ERCC6: variants seen among roughly 807,000 people sequenced by gnomAD.
ERCC6 encodes the protein DNA excision repair protein ERCC-6.
ERCC6 carries 116 observed loss-of-function variants against 158.7 expected under a neutral mutation model. The observed-to-expected ratio is 0.73, with a 90% CI of 0.63 to 0.85. ERCC6 has a LOEUF of 0.85. Among genes scored for constraint, ERCC6 ranks in the 40% least tolerant of loss-of-function variants. ERCC6 has a pLI of 0.00. For missense variants in ERCC6, 1,698 were observed against 1,799.4 expected, an observed-to-expected ratio of 0.94 and a Z score of 1.02; for synonymous variants, 678 against 659.3, an observed-to-expected ratio of 1.03 and a Z score of -0.43.
Position 49,470,298 on chromosome 10 carries a change from C to T in ERCC6, c.3662G>A (p.Arg1221Gln), listed in dbSNP as rs200431100. 57 of 1,613,980 alleles carry T rather than the reference C, an allele frequency of 3.5e-5. No individual in the cohort carries two copies. Among genetic ancestry groups the T allele is most frequent in the Non-Finnish European group, 4.5e-5 (53 of 1,180,030 alleles). The change falls in exon 18 of 21, where the codon CGA becomes CAA. Residue 1221 changes from arginine to glutamine, a missense_variant. Arg to Gln is a conservative substitution (Grantham distance 43, BLOSUM62 1). Transcript: ENST00000355832. ...HCRDAKFEGT[R>Q]IPHLVKKRRY... Reference sequence around the variant, plus strand: ...CCTTTTCTTCACCAGGTGTGGAATTCGAGTTCCTTCAAACTTGGCGTCTCT... The same window carrying T: ...CCTTTTCTTCACCAGGTGTGGAATTTGAGTTCCTTCAAACTTGGCGTCTCT...
intron 18 of ERCC6, among the ~76,000 whole-genome samples, chr10:49,462,478 TA>T (rs1436742895): frequency 3.3e-5 from 5 of 151,090 alleles, no homozygotes; most frequent in African/African-American, 1.2e-4. Context: ...TTCCAATTAA[TA>T]AAAGACTGAC....
rs191807800 is a variant in ERCC6, at chr10:49,518,742, G to T, written c.1397+5291C>A. On this transcript the variant is annotated intron_variant, in intron 5 of 20. Transcript: ENST00000355832. ...GCACAACCCAACCCTCCCAAGCCAGGGTTCAATGGGGCCCTGGCCACAGAG... is the reference window on the plus strand; with the variant it reads ...GCACAACCCAACCCTCCCAAGCCAGTGTTCAATGGGGCCCTGGCCACAGAG... Among the ~76,000 whole-genome samples the T allele has an allele frequency of 2.0e-4, 30 of 152,222 alleles. No individual in the cohort carries two copies. In the East Asian group the frequency reaches 5.8e-3, roughly 30 times the overall value.
downstream of ERCC6, among the ~76,000 whole-genome samples, chr10:49,452,840 TTTTGTC>T (rs1287231943): frequency 6.6e-6 from 1 of 152,160 alleles, no homozygotes; most frequent in African/African-American, 2.4e-5. Flanking sequence ...CTAGGAGCAT[TTTTGTC>T]TTAAAGTCTA....
At position 49,526,634 on chromosome 10, in the gene ERCC6, T is replaced by C. The variant is rs540696121; in HGVS notation, c.652+1783A>G. ...TATTTTGCCTCAATTAAGCCTTAGG[T>C]CTTTACACTGAGTATTTTGCTTCCT... On this transcript the variant is annotated intron_variant, in intron 4 of 20. Transcript: ENST00000355832. Among the ~76,000 whole-genome samples the C allele has an allele frequency of 5.3e-5, 8 of 152,320 alleles. No homozygotes were observed. The South Asian group carries it at 1.7e-3, about 32-fold the overall frequency.
intron 8 of ERCC6, 73 bp from the exon 9 acceptor site, chr10:49,483,589 A>C: frequency 7.0e-7 from 1 of 1,436,046 alleles, no homozygotes; most frequent in Non-Finnish European, 9.8e-7. Context: ...ACACAATCTA[A>C]AGTACTTTAT....
At chr10:49,537,141 C>T (rs1837616283) in intron 1 of ERCC6, among the ~76,000 whole-genome samples, 1 of 152,006 alleles carries the variant, frequency 6.6e-6, no homozygotes, top group Non-Finnish European at 1.5e-5. Flanking sequence ...GTCAGAAGTT[C>T]GAGACCAGCC....
chr10:49,484,051 G>A (rs184175851), intron 8 of ERCC6, among the ~76,000 whole-genome samples: 59 of 151,868 alleles, frequency 3.9e-4, no homozygotes, highest in Admixed American at 2.7e-3. Flanking sequence ...GGCTGAGGTG[G>A]GTGGATTGCT....
chr10:49,469,314 C>T (rs1238880698), intron 18 of ERCC6, among the ~76,000 whole-genome samples: 1 of 152,124 alleles, frequency 6.6e-6, no homozygotes, highest in Non-Finnish European at 1.5e-5. Flanking sequence ...GTCAAACCAG[C>T]ATGTGTCTCC....
At position 49,470,899 on chromosome 10, in the gene ERCC6, G is replaced by A. The variant is rs774381329; in HGVS notation, c.3071-10C>T. On this transcript the variant is annotated splice_polypyrimidine_tract_variant and intron_variant, in intron 17 of 20. Transcript: ENST00000355832. ...ACATCTGATCCAGTTCCTGTAAAGA[G>A]GAAAAACACCACTAATACTATATTG... is the stretch of plus-strand genomic sequence containing the variant. 9.9e-6 allele frequency: 16 copies of A among 1,613,610 alleles called. No homozygotes were observed. Among genetic ancestry groups the A allele is most frequent in the Middle Eastern group, 1.7e-4 (1 of 6,058 alleles).
At chr10:49,439,597 C>T in the ERCC6 span, among the ~76,000 whole-genome samples, 7 of 152,156 alleles carry the variant, frequency 4.6e-5, no homozygotes, top group African/African-American at 4.8e-5. Context: ...TTTGGCTCCT[C>T]GTTACTTTAT....
chr10:49,445,783 T>C, the ERCC6 span, among the ~76,000 whole-genome samples: 1 of 152,108 alleles, frequency 6.6e-6, no homozygotes, highest in Admixed American at 6.6e-5. Flanking sequence ...CCCTGAAAAG[T>C]GCTGTTCCTG....
At chr10:49,434,921 A>C in the ERCC6 span, among the ~76,000 whole-genome samples, 7 of 152,240 alleles carry the variant, frequency 4.6e-5, no homozygotes, top group African/African-American at 1.7e-4. Context: ...TCTCAGTTAT[A>C]CATTGACTAT....
intron 10 of ERCC6, among the ~76,000 whole-genome samples, chr10:49,481,163 G>A (rs1850971925): frequency 6.6e-6 from 1 of 152,328 alleles, no homozygotes; most frequent in African/African-American, 2.4e-5. Context: ...AATCTACATG[G>A]AAAGAGGTGT....
downstream of ERCC6, among the ~76,000 whole-genome samples, chr10:49,449,189 T>C (rs1177499081): frequency 6.6e-6 from 1 of 152,226 alleles, no homozygotes; most frequent in Non-Finnish European, 1.5e-5. Context: ...TGAAGTGATA[T>C]CTCATTGTGG....
chr10:49,459,703 A>G (rs1224456838), intron 20 of ERCC6, among the ~76,000 whole-genome samples: 1 of 152,150 alleles, frequency 6.6e-6, no homozygotes, highest in African/African-American at 2.4e-5. Flanking sequence ...CCTACCTTAC[A>G]TCTAATGCAA....
rs1837245975 is a variant in ERCC6 at position 49,524,089 on chromosome 10, C to T, written c.1341G>A (p.Arg447=). The change falls in exon 5 of 21, where the codon CGG becomes CGA. Residue 447 remains arginine (R), a synonymous_variant. Coordinates refer to ENST00000355832, the MANE Select transcript of ERCC6 (RefSeq NM_000124.4). ...ASVGEGGGGG[R]KVGRYRDDGD... is the part of the protein sequence containing the mutation. ...CATCATCTCGGTATCTTCCCACTTT[C>T]CGACCTCCTCCTCCTCCTTCTCCTA... is the stretch of plus-strand genomic sequence containing the variant. 9.9e-6 allele frequency: 16 copies of T among 1,613,864 alleles called. No homozygotes were observed. The highest frequency in any genetic ancestry group is 1.4e-5 in the Non-Finnish European group (16 of 1,180,008).
chr10:49,500,852 T>G, intron 6 of ERCC6, 156 bp from the exon 7 acceptor site: 2 of 758,026 alleles, frequency 2.6e-6, no homozygotes, highest in Non-Finnish European at 4.3e-6. Flanking sequence ...ATTATATTTA[T>G]AAGGTCATAC....
chr10:49,483,242 G>T, intron 9 of ERCC6, 104 bp downstream of exon 9: 2 of 1,219,622 alleles, frequency 1.6e-6, no homozygotes, highest in African/African-American at 1.5e-5. Context: ...TGTGCAGTTG[G>T]CACAAGGAAA....
At chr10:49,512,795 C>T (rs759818743) in intron 5 of ERCC6, among the ~76,000 whole-genome samples, 5 of 152,160 alleles carry the variant, frequency 3.3e-5, no homozygotes, top group South Asian at 2.1e-4. Flanking sequence ...GTGCATGAAA[C>T]GAAGTTTTGA....
Sources: gnomAD v4.1 joint callset for allele counts (sites outside exome capture counted in the v4.1 genomes callset) on GRCh38, gnomAD v4.1.1 for gene constraint, MANE v1.5 for transcripts, NCBI Gene and HGNC (gene_info 2026-07-23, HGNC 2026-07-21) for gene names.